The following ACLY variants were observed in gnomAD, a reference collection of about 807,000 sequenced individuals.
ACLY encodes ATP-citrate synthase.
Under a neutral mutation model 133.0 loss-of-function variants are expected in ACLY, and 41 were observed. The ratio of observed to expected loss-of-function variants is 0.31; its 90% CI spans 0.24 to 0.40. The LOEUF is 0.40. ACLY is among the 10% of genes least tolerant of loss of function. ACLY has a pLI of 1.00. For missense variants in ACLY, 1,046 were observed against 1,453.8 expected, an observed-to-expected ratio of 0.72 and a Z score of 4.56; for synonymous variants, 495 against 549.3, an observed-to-expected ratio of 0.90 and a Z score of 1.38.
chr17:41,893,059 T>C lies in ACLY; in HGVS notation c.1575A>G (p.Ser525=), dbSNP rs782500871. 18 of 1,613,910 alleles carry C rather than the reference T, an allele frequency of 1.1e-5. No individual in the cohort carries two copies. In the East Asian group the frequency reaches 4.0e-4, roughly 36 times the overall value. ...FDYVCSRDEP[S]VAAMVYPFTG... is the part of the protein sequence containing the mutation. ...TGAAAGGGTAGACCATGGCAGCCAC[T>C]GAGGGCTCGTCTCGGGAGCAGACAT... Residue 525 remains serine (S), a synonymous_variant, in exon 15 of 29, where the codon TCA becomes TCG. Coordinates refer to ENST00000352035, the MANE Select transcript of ACLY (RefSeq NM_001096.3).
chr17:41,900,962 C>CT (rs1291237857), intron 11 of ACLY, among the ~76,000 whole-genome samples: 32 of 147,946 alleles, frequency 2.2e-4, no homozygotes, highest in East Asian at 1.6e-3. Context: ...TTTCTTTCTT[C>CT]TTTTTTTTTT....
At chr17:41,906,993 A>T (rs1598032048) in intron 7 of ACLY, among the ~76,000 whole-genome samples, 1 of 150,968 alleles carries the variant, frequency 6.6e-6, no homozygotes, top group Non-Finnish European at 1.5e-5. Flanking sequence ...CGTCCCCCCA[A>T]CCCCAGGCCT....
upstream of ACLY, among the ~76,000 whole-genome samples, chr17:41,922,370 C>CAAAAAAA (rs1164362085): frequency 6.5e-5 from 2 of 30,934 alleles, no homozygotes; most frequent in African/African-American, 1.1e-4. Context: ...CAGAGCGAGA[C>CAAAAAAA]AAAAAAAAAA....
chr17:41,887,498 C>T, intron 17 of ACLY, 101 bp downstream of exon 17: 2 of 950,984 alleles, frequency 2.1e-6, no homozygotes, highest in South Asian at 2.7e-5. Context: ...ATCTTCTCAA[C>T]CTAGGAGGGA....
intron 14 of ACLY, among the ~76,000 whole-genome samples, 188 bp downstream of exon 14, chr17:41,896,432 G>C (rs1667723546): frequency 6.6e-6 from 1 of 152,154 alleles, no homozygotes; most frequent in Admixed American, 6.5e-5. Flanking sequence ...GGCGCGTACT[G>C]AGCACGGATA....
At chr17:41,912,208 A>G (rs1378627335) in intron 3 of ACLY, among the ~76,000 whole-genome samples, 3 of 152,100 alleles carry the variant, frequency 2.0e-5, no homozygotes, top group Non-Finnish European at 2.9e-5. Context: ...CAATAAAACA[A>G]AGAAGTTTGG....
intron 17 of ACLY, 81 bp downstream of exon 17, chr17:41,887,518 G>T: frequency 8.6e-7 from 1 of 1,169,414 alleles, no homozygotes; most frequent in South Asian, 1.2e-5. Context: ...AGATAGAGGA[G>T]TCAAAAAGTA....
At chr17:41,882,290 C>G (rs1361969645) in intron 20 of ACLY, among the ~76,000 whole-genome samples, 2 of 135,046 alleles carry the variant, frequency 1.5e-5, no homozygotes, top group Non-Finnish European at 3.1e-5. Flanking sequence ...TCATTTGAAC[C>G]CAGGAGGCGG....
intron 14 of ACLY, among the ~76,000 whole-genome samples, chr17:41,893,782 C>T (rs1269048033): frequency 6.6e-6 from 1 of 152,192 alleles, no homozygotes; most frequent in Non-Finnish European, 1.5e-5. Flanking sequence ...CTGCACAAGG[C>T]AGGAGCAGCA....
upstream of ACLY, among the ~76,000 whole-genome samples, chr17:41,921,597 G>A (rs1485964119): frequency 6.6e-6 from 1 of 152,150 alleles, no homozygotes; most frequent in Non-Finnish European, 1.5e-5. Context: ...CACTTTGAGA[G>A]GCCAAGGAGG....
upstream of ACLY, among the ~76,000 whole-genome samples, chr17:41,921,755 C>T (rs975907401): frequency 4.6e-5 from 7 of 150,982 alleles, no homozygotes; most frequent in Non-Finnish European, 8.9e-5. Context: ...AAATCACTTG[C>T]GTCCAGGAGT....
intron 22 of ACLY, among the ~76,000 whole-genome samples, chr17:41,876,620 C>T (rs1359696515): frequency 6.6e-6 from 1 of 152,114 alleles, no homozygotes; most frequent in Non-Finnish European, 1.5e-5. Flanking sequence ...TATCCCCAAC[C>T]CTGTGCTCTC....
At chr17:41,880,113 G>A (rs548621445) in intron 20 of ACLY, among the ~76,000 whole-genome samples, 45 of 152,316 alleles carry the variant, frequency 3.0e-4, no homozygotes, top group African/African-American at 1.1e-3. Flanking sequence ...GGGGTGCAGA[G>A]AGTAATCATA....
chr17:41,920,098 TACTC>T (rs1208495638), upstream of ACLY, among the ~76,000 whole-genome samples: 8 of 152,300 alleles, frequency 5.3e-5, no homozygotes, highest in East Asian at 1.9e-4. Context: ...CTTTGGGTCA[TACTC>T]ACACTGCAAC....
intron 20 of ACLY, among the ~76,000 whole-genome samples, chr17:41,880,727 G>T (rs2048890389): frequency 6.6e-6 from 1 of 152,034 alleles, no homozygotes; most frequent in African/African-American, 2.4e-5. Context: ...TTAGCCGAGT[G>T]TGGTGGTGGG....
At chr17:41,914,026 G>GA (rs1182438837) in intron 1 of ACLY, 130 bp from the exon 2 acceptor site, 15 of 876,252 alleles carry the variant, frequency 1.7e-5, no homozygotes, top group Non-Finnish European at 1.9e-5. Flanking sequence ...CAAGAGGAAG[G>GA]AAAAAATGCT....
intron 20 of ACLY, among the ~76,000 whole-genome samples, chr17:41,881,980 A>G (rs2048928780): frequency 6.6e-6 from 1 of 152,210 alleles, no homozygotes; most frequent in Admixed American, 6.5e-5. Flanking sequence ...TTCTGTATCA[A>G]CATATCAAGT....
At chr17:41,868,915 T>A in intron 27 of ACLY, 128 bp downstream of exon 27, 1 of 1,345,174 alleles carries the variant, frequency 7.4e-7, no homozygotes, top group Non-Finnish European at 1.1e-6. Context: ...AGGCAATTTT[T>A]GTTTTCTTCT....
intron 1 of ACLY, among the ~76,000 whole-genome samples, chr17:41,917,521 C>G (rs946715100): frequency 5.3e-5 from 8 of 152,088 alleles, no homozygotes; most frequent in Non-Finnish European, 8.8e-5. Context: ...GAAGCCTGTT[C>G]CCCAGAACAC....
Sources: gnomAD v4.1 joint callset for allele counts (sites outside exome capture counted in the v4.1 genomes callset) on GRCh38, gnomAD v4.1.1 for gene constraint, MANE v1.5 for transcripts, NCBI Gene and HGNC (gene_info 2026-07-23, HGNC 2026-07-21) for gene names.